Variants in ZBBX observed in about 807,000 individuals in gnomAD.
The protein encoded by ZBBX is zinc finger B-box domain containing.
A neutral mutation model predicts 108.5 loss-of-function variants in ZBBX; 101 were observed. The observed-to-expected ratio is 0.93, with a 90% CI of 0.79 to 1.10. ZBBX has a LOEUF of 1.10. ZBBX is among the 50% of genes least tolerant of loss of function. ZBBX has a pLI of 0.00. For missense variants in ZBBX, 1,009 were observed against 941.4 expected (o/e 1.07, Z -0.94); for synonymous variants, 356 against 323.4 (o/e 1.10, Z -1.08).
chr3:167,241,067 T>A (rs571556845), intron 21 of ZBBX, 148 bp from the exon 22 acceptor site: 1 of 762,074 alleles, frequency 1.3e-6, no homozygotes, highest in African/African-American at 1.8e-5. Context: ...TAATTTTCAA[T>A]GTGCCCAATA....
chr3:167,254,886 G>GAGAGAGAGAGAGAA (rs1290821027), intron 20 of ZBBX, among the ~76,000 whole-genome samples: 5 of 151,260 alleles, frequency 3.3e-5, no homozygotes, highest in African/African-American at 4.9e-5. Context: ...GTGTGTGTGT[G>GAGAGAGAGAGAGAA]TGAGAGAGAG....
intron 5 of ZBBX, 73 bp downstream of exon 5, chr3:167,368,388 G>A (rs1310587505): frequency 1.5e-5 from 16 of 1,064,948 alleles, no homozygotes; most frequent in Non-Finnish European, 2.1e-5. Flanking sequence ...TTATTGGAAT[G>A]ACAACAGTAT....
intron 13 of ZBBX, 117 bp from the exon 14 acceptor site, chr3:167,317,222 A>G (rs1735620449): frequency 1.5e-6 from 1 of 680,770 alleles, no homozygotes; most frequent in Non-Finnish European, 2.3e-6. Context: ...ACACAAAAAT[A>G]CAAATACTGT....
At chr3:167,319,676 GA>G (rs1324080614) in intron 12 of ZBBX, among the ~76,000 whole-genome samples, 1 of 151,958 alleles carries the variant, frequency 6.6e-6, no homozygotes, top group Non-Finnish European at 1.5e-5. Context: ...ACTCTAGGTG[GA>G]AAATTTGTTT....
At chr3:167,279,125 C>A (rs984103780) in intron 20 of ZBBX, among the ~76,000 whole-genome samples, 2 of 151,640 alleles carry the variant, frequency 1.3e-5, no homozygotes, top group Non-Finnish European at 2.9e-5. Flanking sequence ...CTATCTATGA[C>A]AAACCCACAG....
chr3:167,226,671 C>A, the ZBBX span, among the ~76,000 whole-genome samples: 2,020 of 151,760 alleles, frequency 0.013, 22 homozygotes, highest in South Asian at 0.026. Context: ...TTCTCCTCAT[C>A]TGATTATCTT....
At chr3:167,195,635 T>G in the ZBBX span, among the ~76,000 whole-genome samples, 1 of 152,292 alleles carries the variant, frequency 6.6e-6, no homozygotes, top group Admixed American at 6.5e-5. Context: ...TGCTCTAACT[T>G]TAACATTTTG....
At chr3:167,294,537 A>C (rs577072331) in intron 18 of ZBBX, among the ~76,000 whole-genome samples, 2 of 152,346 alleles carry the variant, frequency 1.3e-5, no homozygotes, top group Non-Finnish European at 2.9e-5. Context: ...CCTTATACAA[A>C]AATTAACTCA....
intron 16 of ZBBX, among the ~76,000 whole-genome samples, chr3:167,310,077 C>T (rs1464713091): frequency 6.6e-6 from 1 of 152,172 alleles, no homozygotes; most frequent in Non-Finnish European, 1.5e-5. Context: ...AATCATCTCT[C>T]TGAAGTTCAA....
chr3:167,244,468 A>C (rs1721221345), intron 20 of ZBBX, among the ~76,000 whole-genome samples: 2 of 152,254 alleles, frequency 1.3e-5, no homozygotes, highest in Non-Finnish European at 2.9e-5. Context: ...TTGAATGAGC[A>C]TAAAGCTGTT....
At chr3:167,292,535 G>A (rs925400922) in intron 18 of ZBBX, among the ~76,000 whole-genome samples, 1 of 152,044 alleles carries the variant, frequency 6.6e-6, no homozygotes, top group Non-Finnish European at 1.5e-5. Flanking sequence ...AGAATCTCTG[G>A]GACACATTTA....
At chr3:167,244,495 G>A (rs1370596535) in intron 20 of ZBBX, among the ~76,000 whole-genome samples, 1 of 152,178 alleles carries the variant, frequency 6.6e-6, no homozygotes, top group Non-Finnish European at 1.5e-5. Context: ...TGTGCAAATA[G>A]AATGAGTCTA....
intron 12 of ZBBX, among the ~76,000 whole-genome samples, chr3:167,319,958 A>G (rs533256648): frequency 3.3e-5 from 5 of 151,994 alleles, no homozygotes; most frequent in African/African-American, 1.2e-4. Context: ...ATAGATATCC[A>G]GATGGATAGA....
chr3:167,195,566 C>T, the ZBBX span, among the ~76,000 whole-genome samples: 72 of 152,194 alleles, frequency 4.7e-4, no homozygotes, highest in East Asian at 8.5e-3. Context: ...TGAAATTAAA[C>T]GAAACCATTT....
intron 20 of ZBBX, among the ~76,000 whole-genome samples, chr3:167,270,733 C>T (rs1410435740): frequency 1.3e-5 from 2 of 152,124 alleles, no homozygotes; most frequent in Non-Finnish European, 2.9e-5. Flanking sequence ...GAAGTTAGAG[C>T]AATACTAAAT....
At position 167,305,888 on chromosome 3, in the gene ZBBX, C is replaced by G; in HGVS notation, c.1480G>C (p.Glu494Gln). 6.2e-7 allele frequency: 1 copy of G among 1,607,842 alleles called. No homozygotes were observed. Among genetic ancestry groups the G allele is most frequent in the Non-Finnish European group, 8.5e-7 (1 of 1,177,658 alleles). ...VDPDVYSSDI[E>Q]KIEESTSFER... ...AAGGAGGTGCTTTCCTCAATTTTTT[C>G]AATGTCAGAAGAATACACATCAGGA... The change falls in exon 17 of 22, where the codon GAA becomes CAA. Residue 494 changes from glutamate (E) to glutamine (Q), a missense_variant. By Grantham distance (29) the Glu-to-Gln change is conservative (BLOSUM62 2). Coordinates refer to ENST00000675490, the MANE Select transcript of ZBBX (RefSeq NM_001199201.2).
At chr3:167,325,078 A>G (rs529936955) in intron 11 of ZBBX, among the ~76,000 whole-genome samples, 6 of 152,230 alleles carry the variant, frequency 3.9e-5, no homozygotes, top group Non-Finnish European at 8.8e-5. Context: ...AAACAATCTC[A>G]TCTAATCTGA....
chr3:167,387,490 A>G (rs1747953241), intron 1 of ZBBX, among the ~76,000 whole-genome samples: 1 of 152,054 alleles, frequency 6.6e-6, no homozygotes, highest in South Asian at 2.1e-4. Flanking sequence ...TAGGAACATC[A>G]TACTGGTATG....
chr3:167,214,623 A>G, the ZBBX span, among the ~76,000 whole-genome samples: 2 of 152,158 alleles, frequency 1.3e-5, no homozygotes, highest in African/African-American at 4.8e-5. Context: ...CCTGAACTCA[A>G]CATTAGAACA....
Sources: gnomAD v4.1 joint callset for allele counts (sites outside exome capture counted in the v4.1 genomes callset) on GRCh38, gnomAD v4.1.1 for gene constraint, MANE v1.5 for transcripts, NCBI Gene and HGNC (gene_info 2026-07-23, HGNC 2026-07-21) for gene names.